The following LRRC46 variants were observed in gnomAD, a reference collection of about 807,000 sequenced individuals.
LRRC46 encodes the protein leucine rich repeat containing 46.
Under a neutral mutation model 28.0 loss-of-function variants are expected in LRRC46, and 20 were observed. That is an observed-to-expected ratio of 0.71 (90% CI 0.50 to 1.04). LRRC46 has a LOEUF of 1.04. Ranked by LOEUF, LRRC46 falls within the 50% of genes least tolerant of loss-of-function variation. LRRC46 has a pLI of 0.00. For missense variants in LRRC46, 315 were observed against 390.1 expected, an observed-to-expected ratio of 0.81 and a Z score of 1.62; for synonymous variants, 156 against 158.8, an observed-to-expected ratio of 0.98 and a Z score of 0.13.
intron 4 of LRRC46, 127 bp from the exon 5 acceptor site, chr17:47,835,539 G>C: frequency 1.5e-6 from 2 of 1,360,454 alleles, no homozygotes; most frequent in Non-Finnish European, 2.1e-6. Context: ...CCTCACCCCA[G>C]AAGGCCATGT....
At position 47,837,658 on chromosome 17, in the gene LRRC46, C is replaced by T; in HGVS notation, c.*538C>T. ...CTTTGGGCCTCACTTGGCTCTCCCA[C>T]CCCCACTGGTCCTGGGATAAAGTTC... On this transcript the variant is annotated 3_prime_UTR_variant, in exon 8 of 8. Coordinates refer to ENST00000269025, the MANE Select transcript of LRRC46 (RefSeq NM_033413.4). 2.6e-6 allele frequency: 2 copies of T among 756,806 alleles called. No homozygotes were observed. Among genetic ancestry groups the T allele is most frequent in the African/African-American group, 1.8e-5 (1 of 54,348 alleles). 46.9% of individuals were successfully genotyped at this position (756,806 alleles called of 1,614,324 possible).
chr17:47,836,398 G>A lies in LRRC46; in HGVS notation c.518G>A (p.Trp173Ter), dbSNP rs1291776142. ...DLDGQPVVER[W>*]ISDEEDEASS... is the part of the protein sequence containing the mutation. ...GACGGGCAGCCTGTGGTGGAGCGCT[G>A]GATTTCGGATGAGGAGGATGAAGCC... Residue 173 changes from tryptophan to a stop codon, truncating the protein, a stop_gained, in exon 7 of 8, where the codon TGG (tryptophan) becomes TAG (stop). Coordinates refer to ENST00000269025, the MANE Select transcript of LRRC46 (RefSeq NM_033413.4). LOFTEE classifies it high-confidence loss of function. The surrounding 1 kb of genome is among the most constrained non-coding windows in gnomAD (Gnocchi z 5.8). 6.2e-7 allele frequency: 1 copy of A among 1,614,166 alleles called. No individual in the cohort carries two copies. Among genetic ancestry groups the A allele is most frequent in the Non-Finnish European group, 8.5e-7 (1 of 1,180,026 alleles).
At chr17:47,833,845 G>A in intron 2 of LRRC46, 2 of 772,924 alleles carry the variant, frequency 2.6e-6, no homozygotes, top group Non-Finnish European at 3.1e-6. Context: ...CGACCTCCTG[G>A]GCTCGAGCGA....
chr17:47,837,617 G>T lies in LRRC46; in HGVS notation c.*497G>T. 1 of 566,908 alleles carries T rather than the reference G, an allele frequency of 1.8e-6. No homozygotes were observed. The highest frequency in any genetic ancestry group is 3.0e-6 in the Non-Finnish European group (1 of 334,586). The allele number at this position is 566,908 out of a possible 1,614,324, so 35.1% of individuals were successfully genotyped here. Reference sequence around the variant, plus strand: ...TGAGTACACAACCACAGGCCCCGCAGCCAGCCCACAGCTGCCTTTGGGCCT... The same window carrying T: ...TGAGTACACAACCACAGGCCCCGCATCCAGCCCACAGCTGCCTTTGGGCCT... On this transcript the variant is annotated 3_prime_UTR_variant, in exon 8 of 8. Transcript: ENST00000269025.
Position 47,831,951 on chromosome 17 carries a change from C to T in LRRC46, c.-39C>T. On this transcript the variant is annotated 5_prime_UTR_variant, in exon 1 of 8. Coordinates refer to ENST00000269025, the MANE Select transcript of LRRC46 (RefSeq NM_033413.4). ...GGCCGCCAAGACCTCTCTTTTCGTT[C>T]CTCTCCCGCCTCAGACCAGCAGCCT... 2 of 1,612,608 alleles carry T rather than the reference C, an allele frequency of 1.2e-6. No homozygotes were observed. The highest frequency in any genetic ancestry group is 1.1e-5 in the South Asian group (1 of 90,992).
In LRRC46 at chr17:47,834,419, TC is replaced by T. The variant is rs1200360905; in HGVS notation, c.117-3del. ...CTAACACCACCCTTACTGACTCTTTTCCCAGGTTTCACACTCTTGATGAACT... is the reference window on the plus strand; with the variant it reads ...CTAACACCACCCTTACTGACTCTTTTCCAGGTTTCACACTCTTGATGAACT... On this transcript the variant is annotated splice_polypyrimidine_tract_variant and splice_region_variant and intron_variant, in intron 2 of 7. Coordinates refer to ENST00000269025, the MANE Select transcript of LRRC46 (RefSeq NM_033413.4). The T allele has an allele frequency of 6.2e-7, 1 of 1,605,058 alleles. No homozygotes were observed. The highest frequency in any genetic ancestry group is 2.2e-5 in the East Asian group (1 of 44,662).
rs562649818 is a variant in LRRC46 at position 47,833,741 on chromosome 17, G to A, written c.117-684G>A. On this transcript the variant is annotated intron_variant, in intron 2 of 7. Transcript: ENST00000269025. ...TGCTGGGATTACAGTGAGCCACCTC[G>A]CCCAGCCTCTTTTTTTTTTTTTTTT... 4.5e-5 allele frequency among the ~76,000 whole-genome samples: 6 copies of A among 133,794 alleles called. No individual in the cohort carries two copies. The South Asian group carries it at 1.0e-3, about 23-fold the overall frequency. 87.8% of individuals were successfully genotyped at this position (133,794 alleles called of 152,430 possible).
chr17:47,834,274 T>C, intron 2 of LRRC46, 151 bp from the exon 3 acceptor site: 1 of 740,782 alleles, frequency 1.3e-6, no homozygotes, highest in Non-Finnish European at 2.1e-6. Context: ...AGACACCACC[T>C]CAAGATGTCA....
At chr17:47,835,586 C>T in intron 4 of LRRC46, 80 bp from the exon 5 acceptor site, 1 of 1,488,210 alleles carries the variant, frequency 6.7e-7, no homozygotes, top group Non-Finnish European at 9.3e-7. Flanking sequence ...CCCAGGGGCC[C>T]CGGTGTCAGG....
intron 3 of LRRC46, 83 bp from the exon 4 acceptor site, chr17:47,835,270 T>C (rs1014115593): frequency 4.3e-6 from 6 of 1,389,134 alleles, no homozygotes; most frequent in Non-Finnish European, 6.2e-6. Context: ...AGAGTAGACA[T>C]GGTCTTGGGG....
At position 47,837,131 on chromosome 17, in the gene LRRC46, A is replaced by G; in HGVS notation, c.*11A>G. ...AGAAGCAAGAAATGATTCTCTGTCAACCTTTCTCTACTAGTGGAGAGGAGT... is the reference window on the plus strand; with the variant it reads ...AGAAGCAAGAAATGATTCTCTGTCAGCCTTTCTCTACTAGTGGAGAGGAGT... On this transcript the variant is annotated 3_prime_UTR_variant, in exon 8 of 8. Transcript: ENST00000269025. The G allele has an allele frequency of 6.3e-7, 1 of 1,599,422 alleles. No individual in the cohort carries two copies. Among genetic ancestry groups the G allele is most frequent in the Non-Finnish European group, 8.5e-7 (1 of 1,176,566 alleles).
rs1193333611 is a variant in LRRC46, at chr17:47,836,814, G to A, written c.660G>A (p.Leu220=). The A allele has an allele frequency of 2.5e-6, 4 of 1,613,982 alleles. No individual in the cohort carries two copies. The highest frequency in any genetic ancestry group is 1.7e-5 in the Admixed American group (1 of 60,014). The change falls in exon 8 of 8, where the codon CTG becomes CTA. Residue 220 remains leucine, a synonymous_variant. Transcript: ENST00000269025. The surrounding 1 kb of genome is among the most constrained non-coding windows in gnomAD (Gnocchi z 5.8). ...GGGAGCACCGGCAACAGACGGCCCT[G>A]ACAGAGCACCTGCTGAGGATGGAGA... is the stretch of plus-strand genomic sequence containing the variant. ...RHREHRQQTA[L]TEHLLRMEMQ... is the part of the protein sequence containing the mutation.
chr17:47,836,670 G>A lies in LRRC46; in HGVS notation c.596-80G>A. ...CACAAGGGACAAGGGGCCAGCCAGA[G>A]ACTTCCCTGAGCCCAGGGACCCTCC... On this transcript the variant is annotated intron_variant, in intron 7 of 7. Transcript: ENST00000269025. The surrounding 1 kb of genome is among the most constrained non-coding windows in gnomAD (Gnocchi z 5.8). The A allele has an allele frequency of 1.9e-6, 3 of 1,561,020 alleles. No individual in the cohort carries two copies. The highest frequency in any genetic ancestry group is 4.5e-5 in the East Asian group (2 of 43,966).
At chr17:47,832,730 G>T (rs2143605998) in intron 2 of LRRC46, among the ~76,000 whole-genome samples, 1 of 152,332 alleles carries the variant, frequency 6.6e-6, no homozygotes, top group East Asian at 1.9e-4. Context: ...TAGAGATGGG[G>T]TCTTGCTCTG....
rs776843843 is a variant in LRRC46 at position 47,832,019 on chromosome 17, G to T, written c.10+20G>T. Reference sequence around the variant, plus strand: ...CTGGAGGTGAGTAGGGAGGTGGGACGGTGGGTAGAGCAGTTGGAAAACAGC... The same window carrying T: ...CTGGAGGTGAGTAGGGAGGTGGGACTGTGGGTAGAGCAGTTGGAAAACAGC... On this transcript the variant is annotated intron_variant, in intron 1 of 7. Coordinates refer to ENST00000269025, the MANE Select transcript of LRRC46 (RefSeq NM_033413.4). The T allele has an allele frequency of 1.2e-6, 2 of 1,613,860 alleles. No individual in the cohort carries two copies. The highest frequency in any genetic ancestry group is 2.2e-5 in the East Asian group (1 of 44,884).
In LRRC46 at chr17:47,837,083, G is replaced by C; in HGVS notation, c.929G>C (p.Ser310Thr). 1 of 1,604,886 alleles carries C rather than the reference G, an allele frequency of 6.2e-7. No homozygotes were observed. Residue 310 changes from serine (S) to threonine (T), a missense_variant, in exon 8 of 8, where the codon AGC becomes ACC. Transcript: ENST00000269025. ...AAGGCCTCTGTGGCTGAGGCCCCCA[G>C]CACAACCAAAACTACGGCCAAGAGA... is the stretch of plus-strand genomic sequence containing the variant. The part of the protein sequence containing the change: ...APKASVAEAP[S>T]TTKTTAKRSK...
rs142960476 is a variant in LRRC46, at chr17:47,836,758, AAGGAGCTGGAGC to A, written c.613_624del (p.Glu205_Leu208del). The A allele has an allele frequency of 5.2e-3, 8,362 of 1,613,106 alleles. 347 individuals carry two copies. In the African/African-American group the frequency reaches 0.089, roughly 17 times the overall value. ...CCCCCGGCCCCTCCCAGGCTTCCTC[AAGGAGCTGGAGC>A]AGGAGCTGAGCAGGCACAGGGAGCA... On this transcript the variant is annotated inframe_deletion, in exon 8 of 8. Coordinates refer to ENST00000269025, the MANE Select transcript of LRRC46 (RefSeq NM_033413.4). This position sits in a 1 kb window ranked among gnomAD's most constrained non-coding sequence, Gnocchi z 5.8.
intron 3 of LRRC46, 127 bp downstream of exon 3, chr17:47,834,660 C>A: frequency 1.6e-6 from 1 of 624,722 alleles, no homozygotes; most frequent in South Asian, 2.0e-5. Flanking sequence ...TTCATTTAAA[C>A]CATTCCCAGA....
intron 2 of LRRC46, 25 bp downstream of exon 2, chr17:47,832,230 G>T (rs767291736): frequency 6.6e-7 from 1 of 1,518,120 alleles, no homozygotes; most frequent in Non-Finnish European, 8.9e-7. Flanking sequence ...GAGAAAAGGG[G>T]TGCTAGAAGG....
Sources: gnomAD v4.1 joint callset for allele counts (sites outside exome capture counted in the v4.1 genomes callset) on GRCh38, gnomAD v4.1.1 for gene constraint, Gnocchi (gnomAD v3.1) non-coding constraint, MANE v1.5 for transcripts, NCBI Gene and HGNC (gene_info 2026-07-23, HGNC 2026-07-21) for gene names.